Variants in DAB2IP observed in about 807,000 individuals in gnomAD.
DAB2IP encodes the protein disabled homolog 2-interacting protein.
In DAB2IP, 28 loss-of-function variants were observed where a neutral mutation model predicts 107.2. The observed-to-expected ratio is 0.26, with a 90% CI of 0.19 to 0.36. DAB2IP has a LOEUF of 0.36. DAB2IP is among the 10% of genes least tolerant of loss of function. DAB2IP has a pLI of 1.00. For synonymous variants in DAB2IP, 755 were observed against 706.4 expected (o/e 1.07, Z -1.09); for missense variants, 1,400 against 1,644.7 (o/e 0.85, Z 2.57).
intron 1 of DAB2IP, among the ~76,000 whole-genome samples, chr9:121,668,196 ATTT>A (rs11314701): frequency 7.0e-6 from 1 of 142,572 alleles, no homozygotes. Flanking sequence ...GCTGTTGTTG[ATTT>A]TTTTTTTTTT....
chr9:121,572,509 C>T (rs1301723613), intron 1 of DAB2IP, among the ~76,000 whole-genome samples: 6 of 152,166 alleles, frequency 3.9e-5, no homozygotes, highest in African/African-American at 1.2e-4. Flanking sequence ...GCATCCTCCC[C>T]GACTCTGGAC....
intron 1 of DAB2IP, among the ~76,000 whole-genome samples, chr9:121,637,347 G>A (rs1167891709): frequency 6.6e-6 from 1 of 152,216 alleles, no homozygotes; most frequent in Non-Finnish European, 1.5e-5. Flanking sequence ...GGGCAGGGCT[G>A]GGGCAACCTC....
intron 15 of DAB2IP, 62 bp downstream of exon 15, chr9:121,781,613 A>ACTAGC (rs1835658357): frequency 6.6e-7 from 1 of 1,522,976 alleles, no homozygotes; most frequent in Non-Finnish European, 9.1e-7. Flanking sequence ...AGGAGGGGTG[A>ACTAGC]CTAGCCTCTC....
At chr9:121,668,242 T>G (rs1833529719) in intron 1 of DAB2IP, among the ~76,000 whole-genome samples, 1 of 149,554 alleles carries the variant, frequency 6.7e-6, no homozygotes, top group South Asian at 2.1e-4. Context: ...CGCTAGGCTG[T>G]AGTGCAGTGG....
chr9:121,671,907 G>A (rs1013618512), intron 1 of DAB2IP, among the ~76,000 whole-genome samples: 24 of 152,266 alleles, frequency 1.6e-4, no homozygotes, highest in African/African-American at 5.1e-4. Context: ...AGATCTCCAC[G>A]TGTGCAGGAT....
At chr9:121,615,442 A>T (rs914846790) in intron 1 of DAB2IP, among the ~76,000 whole-genome samples, 2 of 152,022 alleles carry the variant, frequency 1.3e-5, no homozygotes, top group Non-Finnish European at 2.9e-5. Flanking sequence ...GTTTGATGCT[A>T]TCTCCTCTTA....
At chr9:121,754,761 A>C (rs574167256) in intron 3 of DAB2IP, among the ~76,000 whole-genome samples, 1 of 152,246 alleles carries the variant, frequency 6.6e-6, no homozygotes, top group South Asian at 2.1e-4. Flanking sequence ...CTGGGGTTGC[A>C]GGACCAGGGT....
chr9:121,740,477 C>T (rs1235181774), intron 3 of DAB2IP, among the ~76,000 whole-genome samples: 1 of 152,224 alleles, frequency 6.6e-6, no homozygotes, highest in Non-Finnish European at 1.5e-5. Flanking sequence ...TTTCCCAGAG[C>T]AGAGCTAGAC....
At chr9:121,626,373 G>A (rs1442697807) in intron 1 of DAB2IP, among the ~76,000 whole-genome samples, 1 of 150,424 alleles carries the variant, frequency 6.6e-6, no homozygotes, top group Non-Finnish European at 1.5e-5. Context: ...ATGAAGATGT[G>A]AGGCACTCTG....
intron 3 of DAB2IP, among the ~76,000 whole-genome samples, chr9:121,749,210 G>A (rs1265005286): frequency 6.6e-6 from 1 of 152,280 alleles, no homozygotes; most frequent in Non-Finnish European, 1.5e-5. Context: ...AGCGGGGCAA[G>A]GCTGGGCTTG....
chr9:121,617,681 G>A (rs1831325622), intron 1 of DAB2IP, among the ~76,000 whole-genome samples: 1 of 152,236 alleles, frequency 6.6e-6, no homozygotes, highest in African/African-American at 2.4e-5. Context: ...GGTGTTACTT[G>A]GCATTTTCAT....
chr9:121,581,955 G>A (rs1335200987), intron 1 of DAB2IP, among the ~76,000 whole-genome samples: 1 of 152,224 alleles, frequency 6.6e-6, no homozygotes, highest in Non-Finnish European at 1.5e-5. Flanking sequence ...CACCAGCAGC[G>A]GGTGCAGGGC....
intron 11 of DAB2IP, among the ~76,000 whole-genome samples, chr9:121,771,043 C>T (rs1161570464): frequency 1.3e-5 from 2 of 152,216 alleles, no homozygotes; most frequent in Non-Finnish European, 2.9e-5. Flanking sequence ...GTCCCAAATA[C>T]CCCCAGCATT....
rs1263184662 is a variant in DAB2IP at position 121,634,183 on chromosome 9, C to G, written c.41-44495C>G. 6.6e-6 allele frequency among the ~76,000 whole-genome samples: 1 copy of G among 152,098 alleles called. No homozygotes were observed. The highest frequency in any genetic ancestry group is 1.9e-4 in the East Asian group (1 of 5,176). On this transcript the variant is annotated intron_variant, in intron 1 of 16. Transcript: ENST00000259371. The surrounding 1 kb of genome is among the most constrained non-coding windows in gnomAD (Gnocchi z 4.7). ...TTGCATTGGTTTTCACATGCCAACT[C>G]CTAGGAAGGGTCCCCTATGCACCCC...
At chr9:121,606,096 A>T (rs1231748421) in intron 1 of DAB2IP, among the ~76,000 whole-genome samples, 2 of 152,146 alleles carry the variant, frequency 1.3e-5, no homozygotes, top group Non-Finnish European at 2.9e-5. Flanking sequence ...TGATCCCAGC[A>T]GTTTGGGAAG....
chr9:121,773,208 A>G (rs530621661), exon 12 of DAB2IP: 1 of 1,572,844 alleles, frequency 6.4e-7, no homozygotes, highest in South Asian at 1.2e-5. Context: ...ACGGCGACAG[A>G]TGTCACTGAC....
chr9:121,583,888 A>T (rs1312804364), intron 1 of DAB2IP, among the ~76,000 whole-genome samples: 2 of 152,178 alleles, frequency 1.3e-5, no homozygotes, highest in Non-Finnish European at 2.9e-5. Flanking sequence ...AATAGAATAC[A>T]AACATTGACG....
intron 3 of DAB2IP, among the ~76,000 whole-genome samples, chr9:121,716,473 A>G (rs1028833089): frequency 6.6e-6 from 1 of 152,230 alleles, no homozygotes; most frequent in East Asian, 1.9e-4. Flanking sequence ...CGAGAGGCTA[A>G]GTGTTTATGT....
intron 3 of DAB2IP, among the ~76,000 whole-genome samples, chr9:121,724,415 A>C (rs1831110139): frequency 6.6e-6 from 1 of 152,142 alleles, no homozygotes; most frequent in Admixed American, 6.5e-5. Flanking sequence ...TTCAAGTGTG[A>C]ATCCAACCAC....
Sources: gnomAD v4.1 joint callset for allele counts (sites outside exome capture counted in the v4.1 genomes callset) on GRCh38, gnomAD v4.1.1 for gene constraint, Gnocchi (gnomAD v3.1) non-coding constraint, MANE v1.5 for transcripts, NCBI Gene and HGNC (gene_info 2026-07-23, HGNC 2026-07-21) for gene names.